Variants in EDEM2 observed in about 807,000 individuals in gnomAD.
EDEM2 encodes the protein ER degradation-enhancing alpha-mannosidase-like protein 2.
EDEM2 carries 39 observed loss-of-function variants against 64.8 expected under a neutral mutation model. The ratio of observed to expected loss-of-function variants is 0.60; its 90% CI spans 0.47 to 0.79. EDEM2 has a LOEUF of 0.79. EDEM2 is among the 30% of genes least tolerant of loss of function. The pLI is 0.00. For synonymous variants in EDEM2, 296 were observed against 291.5 expected (o/e 1.02, Z -0.16); for missense variants, 609 against 731.3 (o/e 0.83, Z 1.93).
chr20:35,126,111 G>T, intron 8 of EDEM2, 140 bp downstream of exon 8: 1 of 1,102,072 alleles, frequency 9.1e-7, no homozygotes. Flanking sequence ...TTCACTCTAG[G>T]TCTCTCTTCC....
chr20:35,120,032 C>T (rs2085350225), intron 9 of EDEM2, among the ~76,000 whole-genome samples: 1 of 152,086 alleles, frequency 6.6e-6, no homozygotes, highest in African/African-American at 2.4e-5. Flanking sequence ...TCCCTTTTGG[C>T]TTATTGCTGC....
intron 8 of EDEM2, among the ~76,000 whole-genome samples, chr20:35,125,692 T>C (rs1489717020): frequency 1.3e-5 from 2 of 152,212 alleles, no homozygotes; most frequent in Non-Finnish European, 2.9e-5. Flanking sequence ...CCTAATTTTT[T>C]ATTTTTTGTA....
intron 5 of EDEM2, among the ~76,000 whole-genome samples, chr20:35,136,999 C>G (rs367869137): frequency 6.6e-6 from 1 of 152,114 alleles, no homozygotes; most frequent in Non-Finnish European, 1.5e-5. Context: ...AAATCCCTCT[C>G]GTTTTAAAAG....
intron 9 of EDEM2, among the ~76,000 whole-genome samples, chr20:35,121,151 A>G (rs1162871196): frequency 6.6e-6 from 1 of 152,218 alleles, no homozygotes; most frequent in East Asian, 1.9e-4. Flanking sequence ...TGTGCACTTT[A>G]TTTATATTAT....
intron 3 of EDEM2, among the ~76,000 whole-genome samples, chr20:35,144,068 T>C (rs1413050772): frequency 6.6e-6 from 1 of 151,918 alleles, no homozygotes; most frequent in Non-Finnish European, 1.5e-5. Context: ...TGTGCCATCA[T>C]GCCTAATTTT....
chr20:35,129,237 T>C (rs1039054717), intron 7 of EDEM2, among the ~76,000 whole-genome samples: 1 of 151,986 alleles, frequency 6.6e-6, no homozygotes, highest in African/African-American at 2.4e-5. Flanking sequence ...TGAAACCCCA[T>C]CTCTACTAAA....
chr20:35,138,799 T>C, intron 4 of EDEM2, among the ~76,000 whole-genome samples: 1 of 151,730 alleles, frequency 6.6e-6, no homozygotes, highest in East Asian at 2.0e-4. Context: ...CTAGCCAGGA[T>C]GGTCTCGATC....
At chr20:35,131,380 G>A (rs3746428) in intron 7 of EDEM2, among the ~76,000 whole-genome samples, 21,068 of 152,012 alleles carry the variant, frequency 0.14, 1,708 homozygotes, top group Middle Eastern at 0.24. Context: ...GTGAAACCCC[G>A]TTTCTACTAA....
chr20:35,128,590 C>A (rs2085467367), intron 7 of EDEM2, among the ~76,000 whole-genome samples: 2 of 148,572 alleles, frequency 1.3e-5, no homozygotes, highest in South Asian at 4.3e-4. Flanking sequence ...AATGAAACAG[C>A]TTCAGGCAGG....
intron 5 of EDEM2, among the ~76,000 whole-genome samples, chr20:35,137,452 G>A (rs2146108370): frequency 6.6e-6 from 1 of 152,190 alleles, no homozygotes; most frequent in African/African-American, 2.4e-5. Context: ...AAGAGAAAGA[G>A]TGGCTTGGTC....
intron 8 of EDEM2, among the ~76,000 whole-genome samples, chr20:35,124,487 A>T (rs537346887): frequency 6.6e-6 from 1 of 152,090 alleles, no homozygotes; most frequent in East Asian, 1.9e-4. Flanking sequence ...TACAGCCTTG[A>T]CCTCCTGGGC....
At chr20:35,144,900 C>T (rs2085707629) in intron 3 of EDEM2, 79 bp downstream of exon 3, 2 of 1,509,102 alleles carry the variant, frequency 1.3e-6, no homozygotes, top group Non-Finnish European at 1.8e-6. Flanking sequence ...TCATTTTTCA[C>T]CCACAGTCAC....
chr20:35,141,258 A>AGAATATATATTTTGC (rs2085650352), intron 4 of EDEM2, among the ~76,000 whole-genome samples: 1 of 152,246 alleles, frequency 6.6e-6, no homozygotes, highest in Non-Finnish European at 1.5e-5. Context: ...ATGGATAAAC[A>AGAATATATATTTTGC]AAATATAATA....
intron 10 of EDEM2, 37 bp from the exon 11 acceptor site, chr20:35,115,970 T>A (rs1006066017): frequency 6.3e-7 from 1 of 1,593,930 alleles, no homozygotes; most frequent in Admixed American, 1.7e-5. Context: ...TGGAACACCA[T>A]CACAATTTAG....
chr20:35,128,831 T>C (rs2085470137), intron 7 of EDEM2, among the ~76,000 whole-genome samples: 1 of 150,806 alleles, frequency 6.6e-6, no homozygotes, highest in Non-Finnish European at 1.5e-5. Flanking sequence ...GAAAAAAACT[T>C]AGAGAATAAG....
chr20:35,118,658 G>A lies in EDEM2; in HGVS notation c.1176C>T (p.Leu392=), dbSNP rs200015143. ...CAATGGATTCCACAGCATCTCTTCC[G>A]AGTTCTAGGAGGGTGGGATCCCCCG... ...RATGDPTLLE[L]GRDAVESIEK... Residue 392 remains leucine, a synonymous_variant, in exon 10 of 11, where the codon CTC becomes CTT. Coordinates refer to ENST00000374492, the MANE Select transcript of EDEM2 (RefSeq NM_018217.3). 18 of 1,613,750 alleles carry A rather than the reference G, an allele frequency of 1.1e-5. No individual in the cohort carries two copies. Among genetic ancestry groups the A allele is most frequent in the Non-Finnish European group, 1.4e-5 (16 of 1,180,000 alleles).
At chr20:35,125,478 A>G (rs1481272581) in intron 8 of EDEM2, among the ~76,000 whole-genome samples, 3 of 151,818 alleles carry the variant, frequency 2.0e-5, no homozygotes, top group East Asian at 1.9e-4. Flanking sequence ...TCCGCCTCCC[A>G]GGTTCATGCC....
intron 10 of EDEM2, among the ~76,000 whole-genome samples, chr20:35,117,910 C>T (rs2085326737): frequency 6.6e-6 from 1 of 152,112 alleles, no homozygotes; most frequent in Non-Finnish European, 1.5e-5. Flanking sequence ...CAAGGGTTCA[C>T]ATTCCAAGTA....
intron 7 of EDEM2, among the ~76,000 whole-genome samples, chr20:35,128,198 C>A (rs184225038): frequency 3.3e-5 from 5 of 151,898 alleles, no homozygotes. Context: ...CTGCCTAACA[C>A]GGTGAAACCC....
Sources: gnomAD v4.1 joint callset for allele counts (sites outside exome capture counted in the v4.1 genomes callset) on GRCh38, gnomAD v4.1.1 for gene constraint, MANE v1.5 for transcripts, NCBI Gene and HGNC (gene_info 2026-07-23, HGNC 2026-07-21) for gene names.